The following RORA variants were observed in gnomAD, a reference collection of about 807,000 sequenced individuals.
The protein encoded by RORA is nuclear receptor ROR-alpha.
Under a neutral mutation model 69.5 loss-of-function variants are expected in RORA, and 7 were observed. The observed-to-expected ratio is 0.10, with a 90% CI of 0.06 to 0.19. RORA has a LOEUF of 0.19. RORA is among the 10% of genes least tolerant of loss of function. The pLI is 1.00. For missense variants in RORA, 457 were observed against 663.0 expected, an observed-to-expected ratio of 0.69 and a Z score of 3.41; for synonymous variants, 261 against 240.8, an observed-to-expected ratio of 1.08 and a Z score of -0.78.
Position 61,119,361 on chromosome 15 carries a change from C to T in RORA, c.166+109692G>A, listed in dbSNP as rs73430887. On this transcript the variant is annotated intron_variant, in intron 1 of 10. Transcript: ENST00000335670. ...CACAGGCATGTACCACCGTGCCTGC[C>T]TAAGGTTTTAAATTTTTTTTTGTAT... is the stretch of plus-strand genomic sequence containing the variant. Among the ~76,000 whole-genome samples the T allele has an allele frequency of 2.0e-3, 306 of 150,862 alleles. 1 individual carries two copies. Among genetic ancestry groups the T allele is most frequent in the African/African-American group, 7.1e-3 (290 of 40,900 alleles).
At position 60,577,592 on chromosome 15, in the gene RORA, C is replaced by T. The variant is rs992081571; in HGVS notation, c.197-45741G>A. ...CTGGGAGGTGGAGGTTGCAGCAAGCCGAGATCGCGCCACTGTACTCCAGCC... is the reference window on the plus strand; with the variant it reads ...CTGGGAGGTGGAGGTTGCAGCAAGCTGAGATCGCGCCACTGTACTCCAGCC... On this transcript the variant is annotated intron_variant, in intron 2 of 10. Coordinates refer to ENST00000335670, the MANE Select transcript of RORA (RefSeq NM_134261.3). Among the ~76,000 whole-genome samples the T allele has an allele frequency of 3.4e-5, 5 of 148,950 alleles. No homozygotes were observed. The East Asian group carries it at 5.9e-4, about 17-fold the overall frequency.
chr15:61,127,091 AC>A (rs1459745980), intron 1 of RORA, among the ~76,000 whole-genome samples: 4 of 152,126 alleles, frequency 2.6e-5, no homozygotes, highest in Admixed American at 2.6e-4. Flanking sequence ...TTAGACACCT[AC>A]CCAGGAAAGA....
intron 1 of RORA, among the ~76,000 whole-genome samples, chr15:61,089,407 A>G (rs2078672307): frequency 6.6e-6 from 1 of 152,196 alleles, no homozygotes; most frequent in African/African-American, 2.4e-5. Flanking sequence ...TTTTTCTTGC[A>G]TGAACAATAC....
At chr15:60,734,754 A>G (rs2071476496) in intron 1 of RORA, among the ~76,000 whole-genome samples, 1 of 152,260 alleles carries the variant, frequency 6.6e-6, no homozygotes. Flanking sequence ...CCAAAAGACT[A>G]TTCAGCATGG....
At chr15:60,994,504 G>A (rs757798610) in intron 1 of RORA, among the ~76,000 whole-genome samples, 11 of 152,172 alleles carry the variant, frequency 7.2e-5, no homozygotes, top group Non-Finnish European at 1.6e-4. Flanking sequence ...CAGGAAAAAG[G>A]GGTCTAGGCC....
chr15:61,115,437 G>A (rs1443298996), intron 1 of RORA, among the ~76,000 whole-genome samples: 4 of 152,286 alleles, frequency 2.6e-5, no homozygotes, highest in East Asian at 1.9e-4. Flanking sequence ...ACAGCCTGCC[G>A]GCCACAGCCC....
At chr15:60,821,889 T>C (rs986696578) in intron 1 of RORA, among the ~76,000 whole-genome samples, 4 of 152,226 alleles carry the variant, frequency 2.6e-5, no homozygotes, top group African/African-American at 9.6e-5. Context: ...ACAGCTAGCA[T>C]GTGGTCAGCT....
intron 1 of RORA, among the ~76,000 whole-genome samples, chr15:61,120,575 C>G (rs894863359): frequency 6.6e-6 from 1 of 151,588 alleles, no homozygotes; most frequent in African/African-American, 2.4e-5. Context: ...GTGGCAGGTA[C>G]CTGTAGTCCC....
At chr15:60,883,841 A>G (rs1484805851) in intron 1 of RORA, among the ~76,000 whole-genome samples, 1 of 152,236 alleles carries the variant, frequency 6.6e-6, no homozygotes, top group Non-Finnish European at 1.5e-5. Context: ...TGGAAAGCCC[A>G]TTCCACGATG....
intron 1 of RORA, among the ~76,000 whole-genome samples, chr15:61,129,322 T>C (rs1224856419): frequency 6.6e-6 from 1 of 152,166 alleles, no homozygotes; most frequent in Non-Finnish European, 1.5e-5. Context: ...GAAAACATTG[T>C]GTTAAGTGAA....
At chr15:61,139,641 A>C (rs758517073) in intron 1 of RORA, among the ~76,000 whole-genome samples, 1 of 152,274 alleles carries the variant, frequency 6.6e-6, no homozygotes, top group South Asian at 2.1e-4. Flanking sequence ...ACTTCAGAGA[A>C]GCTGATGTGC....
intron 1 of RORA, among the ~76,000 whole-genome samples, chr15:60,992,274 A>C (rs1339651124): frequency 6.6e-6 from 1 of 152,214 alleles, no homozygotes; most frequent in African/African-American, 2.4e-5. Context: ...AGTTGCCAGG[A>C]TTTAGGCCCC....
chr15:60,634,045 C>T (rs1290068256), intron 2 of RORA, among the ~76,000 whole-genome samples: 1 of 152,138 alleles, frequency 6.6e-6, no homozygotes, highest in Non-Finnish European at 1.5e-5. Context: ...ATTAAATATA[C>T]ATGTACAGAC....
chr15:60,653,809 C>T (rs1358945838), intron 2 of RORA, among the ~76,000 whole-genome samples: 1 of 151,782 alleles, frequency 6.6e-6, no homozygotes, highest in Non-Finnish European at 1.5e-5. Flanking sequence ...TATCATATTT[C>T]CTACAAATAG....
At chr15:60,500,627 T>C (rs2065301575) in intron 9 of RORA, among the ~76,000 whole-genome samples, 1 of 152,192 alleles carries the variant, frequency 6.6e-6, no homozygotes, top group Admixed American at 6.5e-5. Context: ...AATCTTGTTA[T>C]CCTGGAGACT....
chr15:60,586,465 T>C (rs2068338755), intron 2 of RORA, among the ~76,000 whole-genome samples: 1 of 152,106 alleles, frequency 6.6e-6, no homozygotes, highest in South Asian at 2.1e-4. Context: ...GGTGTGTGTG[T>C]GTGTGTGCGT....
chr15:61,159,851 C>G (rs1256708828), intron 1 of RORA, among the ~76,000 whole-genome samples: 1 of 152,156 alleles, frequency 6.6e-6, no homozygotes, highest in Non-Finnish European at 1.5e-5. Context: ...CATTTGTTTG[C>G]TCAACTAGAA....
chr15:61,107,452 T>C (rs2078962232), intron 1 of RORA, among the ~76,000 whole-genome samples: 2 of 152,168 alleles, frequency 1.3e-5, no homozygotes, highest in African/African-American at 4.8e-5. Flanking sequence ...CTTGGGCAAG[T>C]TGGTAGGAAC....
chr15:61,060,646 G>C (rs1305424735), intron 1 of RORA, among the ~76,000 whole-genome samples: 4 of 152,084 alleles, frequency 2.6e-5, no homozygotes, highest in Admixed American at 2.0e-4. Flanking sequence ...AAGGACTCTT[G>C]GGGAAGGCAG....
Sources: allele counts gnomAD v4.1 joint callset (sites outside exome capture counted in the v4.1 genomes callset), GRCh38; gene constraint gnomAD v4.1.1; transcripts MANE v1.5; gene names NCBI Gene and HGNC (gene_info 2026-07-23, HGNC 2026-07-21).